Variants in EFR3B observed in about 807,000 individuals in gnomAD.
The protein encoded by EFR3B is protein EFR3 homolog B.
Under a neutral mutation model 104.7 loss-of-function variants are expected in EFR3B, and 64 were observed. That is an observed-to-expected ratio of 0.61 (90% CI 0.50 to 0.75). The LOEUF (loss-of-function observed/expected upper bound fraction) is 0.75, where lower values mean the gene tolerates loss of function less well. Among genes scored for constraint, EFR3B ranks in the 30% least tolerant of loss-of-function variants. The pLI is 0.00. For synonymous variants in EFR3B, 385 were observed against 417.9 expected (o/e 0.92, Z 0.96); for missense variants, 750 against 1,078.5 (o/e 0.70, Z 4.27).
Position 25,042,442 on chromosome 2 carries a change from C to G in EFR3B, c.7+123C>G. On this transcript the variant is annotated intron_variant, in intron 1 of 22. Coordinates refer to ENST00000403714, the MANE Select transcript of EFR3B (RefSeq NM_014971.2). The surrounding 1 kb of genome is among the most constrained non-coding windows in gnomAD (Gnocchi z 5.4). ...GCCAGGCCGCTGACCTGGTGCCCGG[C>G]GGGGCTGTTGCGGTCGCTCTGTGCG... is the stretch of plus-strand genomic sequence containing the variant. The G allele has an allele frequency of 8.2e-7, 1 of 1,213,720 alleles. No individual in the cohort carries two copies. Among genetic ancestry groups the G allele is most frequent in the Non-Finnish European group, 1.0e-6 (1 of 976,368 alleles). 75.2% of individuals were successfully genotyped at this position (1,213,720 alleles called of 1,614,324 possible).
In EFR3B at chr2:25,151,999, T is replaced by C. The variant is rs367609241; in HGVS notation, c.2277T>C (p.Ile759=). The C allele has an allele frequency of 3.9e-6, 6 of 1,551,560 alleles. No individual in the cohort carries two copies. The African/African-American group carries it at 6.8e-5, about 18-fold the overall frequency. The part of the protein sequence containing the change: ...EKFQKAPFEE[I]AAHCGARASL... The stretch of plus-strand genomic sequence containing the variant: ...TCCAGAAGGCACCCTTCGAGGAGAT[T>C]GCTGCACACTGCGGGGCCCGGGTAA... Residue 759 remains isoleucine, a synonymous_variant, in exon 21 of 23, where the codon ATT becomes ATC. Transcript: ENST00000403714.
At chr2:25,099,049 G>T (rs902194263) in intron 3 of EFR3B, among the ~76,000 whole-genome samples, 3 of 152,022 alleles carry the variant, frequency 2.0e-5, no homozygotes, top group African/African-American at 7.2e-5. Context: ...ACAGAAGGAC[G>T]CTGGGATGAT....
At chr2:25,111,879 G>A (rs1168729492) in intron 4 of EFR3B, among the ~76,000 whole-genome samples, 1 of 152,222 alleles carries the variant, frequency 6.6e-6, no homozygotes, top group African/African-American at 2.4e-5. Flanking sequence ...ACCCCCAGAA[G>A]GAATGCAGCC....
chr2:25,064,729 AG>A (rs1668285397), intron 1 of EFR3B, among the ~76,000 whole-genome samples: 1 of 152,232 alleles, frequency 6.6e-6, no homozygotes, highest in Admixed American at 6.5e-5. Flanking sequence ...CATTAAAGAA[AG>A]CTGAATACAG....
intron 5 of EFR3B, among the ~76,000 whole-genome samples, chr2:25,126,557 A>G (rs1670174262): frequency 6.6e-6 from 1 of 151,954 alleles, no homozygotes. Flanking sequence ...ACGGGGTTTC[A>G]CCATGTTGAC....
At chr2:25,123,098 C>T (rs1558611075) in intron 5 of EFR3B, among the ~76,000 whole-genome samples, 1 of 152,148 alleles carries the variant, frequency 6.6e-6, no homozygotes, top group Non-Finnish European at 1.5e-5. Flanking sequence ...TGCAGTGGCT[C>T]ATGTCTGTAA....
chr2:25,066,087 A>G (rs1668329139), intron 1 of EFR3B, among the ~76,000 whole-genome samples: 1 of 151,784 alleles, frequency 6.6e-6, no homozygotes, highest in Non-Finnish European at 1.5e-5. Flanking sequence ...TTAGCACTTC[A>G]CTGCGGGCTG....
Position 25,131,410 on chromosome 2 carries a change from C to G in EFR3B, c.892C>G (p.Leu298Val), listed in dbSNP as rs930490697. 6.4e-7 allele frequency: 1 copy of G among 1,550,812 alleles called. No homozygotes were observed. The highest frequency in any genetic ancestry group is 1.4e-5 in the African/African-American group (1 of 73,056). Residue 298 changes from leucine to valine, a missense_variant, in exon 9 of 23, where the codon CTG becomes GTG. By Grantham distance (32) the Leu-to-Val change is conservative. Transcript: ENST00000403714. This position sits in a 1 kb window ranked among gnomAD's most constrained non-coding sequence, Gnocchi z 7.6. ...GGTCATCCAGCAGCTCCTGGGCCAC[C>G]TGGACGCCAACAGCCGCAGCGCTGC... ...HLVIQQLLGHLDANSRSAATV... is the reference protein window; with the variant it reads ...HLVIQQLLGHVDANSRSAATV...
At chr2:25,123,299 G>A (rs1670071092) in intron 5 of EFR3B, among the ~76,000 whole-genome samples, 2 of 151,694 alleles carry the variant, frequency 1.3e-5, no homozygotes, top group African/African-American at 2.4e-5. Context: ...GGTCGAGGCT[G>A]CAGTGAGCCA....
chr2:25,124,277 A>AGTGTGTGTGTGTGT (rs5829961), intron 5 of EFR3B, among the ~76,000 whole-genome samples: 9 of 124,896 alleles, frequency 7.2e-5, no homozygotes, highest in East Asian at 2.5e-4. Flanking sequence ...TGTGCATGCA[A>AGTGTGTGTGTGTGT]GTGTGTGTGT....
chr2:25,101,329 T>C (rs1669425587), intron 3 of EFR3B, among the ~76,000 whole-genome samples: 1 of 152,154 alleles, frequency 6.6e-6, no homozygotes, highest in Non-Finnish European at 1.5e-5. Flanking sequence ...TTCACATCAC[T>C]TTCTCTTAAT....
chr2:25,153,670 C>G, intron 21 of EFR3B, 42 bp from the exon 22 acceptor site: 2 of 1,546,532 alleles, frequency 1.3e-6, no homozygotes, highest in East Asian at 4.9e-5. Flanking sequence ...AGGTTCTGGA[C>G]CCCCCACCCC....
intron 4 of EFR3B, among the ~76,000 whole-genome samples, chr2:25,104,357 TC>T (rs1321430672): frequency 6.6e-6 from 1 of 152,090 alleles, no homozygotes; most frequent in Non-Finnish European, 1.5e-5. Flanking sequence ...TGACAGAGAC[TC>T]CATCTCAAAA....
chr2:25,141,242 G>T, intron 16 of EFR3B, 124 bp from the exon 17 acceptor site: 1 of 973,868 alleles, frequency 1.0e-6, no homozygotes, highest in East Asian at 2.8e-5. Context: ...CTCAGCTGAG[G>T]ACACTGTGCT....
chr2:25,105,771 T>G (rs1025007931), intron 4 of EFR3B, among the ~76,000 whole-genome samples: 1 of 152,204 alleles, frequency 6.6e-6, no homozygotes, highest in African/African-American at 2.4e-5. Context: ...TGGGGGCCAC[T>G]GGAAGCAGGT....
intron 10 of EFR3B, among the ~76,000 whole-genome samples, chr2:25,132,117 C>T (rs533733540): frequency 4.6e-5 from 7 of 152,258 alleles, no homozygotes; most frequent in East Asian, 3.9e-4. Flanking sequence ...CGCACTGGGG[C>T]GAAGGGCATC....
chr2:25,156,290 G>GTTTTTGT lies in EFR3B; in HGVS notation c.*1955_*1956insGTTTTTT, dbSNP rs1671166511. ...TGTGGGCACACAGCTTCTTTTTCTTGTTTTTTTTTTTTTTTTTTTTTTTTT... is the reference window on the plus strand; with the variant it reads ...TGTGGGCACACAGCTTCTTTTTCTTGTTTTTGTTTTTTTTTTTTTTTTTTTTTTTTTT... On this transcript the variant is annotated 3_prime_UTR_variant, in exon 23 of 23. Transcript: ENST00000403714. 1.4e-5 allele frequency: 1 copy of GTTTTTGT among 71,752 alleles called. No individual in the cohort carries two copies. The highest frequency in any genetic ancestry group is 5.6e-5 in the African/African-American group (1 of 17,866). The allele number at this position is 71,752 out of a possible 1,614,324, so 4.4% of individuals were successfully genotyped here.
intron 6 of EFR3B, 46 bp from the exon 7 acceptor site, chr2:25,129,929 C>A (rs1670282480): frequency 6.5e-7 from 1 of 1,547,518 alleles, no homozygotes; most frequent in South Asian, 1.2e-5. Flanking sequence ...AGAGCCTGAC[C>A]CCAGCCTGCA....
chr2:25,099,523 G>A (rs570163069), intron 3 of EFR3B, among the ~76,000 whole-genome samples: 18 of 150,488 alleles, frequency 1.2e-4, no homozygotes, highest in African/African-American at 3.4e-4. Flanking sequence ...AAGTTGACGC[G>A]GCTATTCTAG....
Sources: allele counts gnomAD v4.1 joint callset (sites outside exome capture counted in the v4.1 genomes callset), GRCh38; gene constraint gnomAD v4.1.1; non-coding constraint Gnocchi (gnomAD v3.1); transcripts MANE v1.5; gene names NCBI Gene and HGNC (gene_info 2026-07-23, HGNC 2026-07-21).